Variants in ZNF385D observed in about 807,000 individuals in gnomAD.
ZNF385D encodes zinc finger protein 385D, also known as zinc finger protein 659.
Under a neutral mutation model 35.8 loss-of-function variants are expected in ZNF385D, and 15 were observed. The ratio of observed to expected loss-of-function variants is 0.42; its 90% CI spans 0.28 to 0.64. ZNF385D has a LOEUF of 0.64. Ranked by LOEUF, ZNF385D falls within the 30% of genes least tolerant of loss-of-function variation. The probability of loss-of-function intolerance (pLI) is 0.23; values close to 1 mark genes in which losing one functional copy is unlikely to be tolerated. For missense variants in ZNF385D, 474 were observed against 494.6 expected (o/e 0.96, Z 0.39); for synonymous variants, 212 against 186.8 (o/e 1.13, Z -1.10).
chr3:21,961,005 G>A (rs1480561500), intron 3 of ZNF385D, among the ~76,000 whole-genome samples: 1 of 152,012 alleles, frequency 6.6e-6, no homozygotes, highest in Non-Finnish European at 1.5e-5. Flanking sequence ...GACCTGTGGT[G>A]CTATAGGTTG....
intron 3 of ZNF385D, among the ~76,000 whole-genome samples, chr3:22,099,508 A>G (rs979871563): frequency 6.6e-6 from 1 of 152,134 alleles, no homozygotes; most frequent in Non-Finnish European, 1.5e-5. Context: ...AAGGATAACT[A>G]GATTTATCCA....
Position 22,367,186 on chromosome 3 carries a change from C to T in ZNF385D, c.106+5264G>A, listed in dbSNP as rs183338488. ...GTACTAGACTATTCGAAACACTTTA[C>T]GTGTATCACCTTATTAAGTCTTCAA... is the stretch of plus-strand genomic sequence containing the variant. On this transcript the variant is annotated intron_variant, in intron 2 of 5. Transcript: ENST00000494108. Among the ~76,000 whole-genome samples, 46 of 152,230 alleles carry T rather than the reference C, an allele frequency of 3.0e-4. No homozygotes were observed. The East Asian group carries it at 7.9e-3, about 26-fold the overall frequency.
chr3:21,515,945 A>T (rs1247891866), intron 3 of ZNF385D, among the ~76,000 whole-genome samples: 2 of 152,192 alleles, frequency 1.3e-5, no homozygotes, highest in Non-Finnish European at 2.9e-5. Context: ...ACTATTGTAG[A>T]ACCTAAAGTT....
intron 3 of ZNF385D, among the ~76,000 whole-genome samples, chr3:22,014,605 T>G (rs1191291641): frequency 6.6e-6 from 1 of 151,972 alleles, no homozygotes; most frequent in Non-Finnish European, 1.5e-5. Flanking sequence ...GTCTCAGAAA[T>G]ATATACTCAG....
At chr3:21,905,310 A>C (rs938015180) in intron 3 of ZNF385D, among the ~76,000 whole-genome samples, 1 of 151,764 alleles carries the variant, frequency 6.6e-6, no homozygotes, top group African/African-American at 2.4e-5. Context: ...CTTTGTATGC[A>C]TAACTCAAGC....
intron 3 of ZNF385D, among the ~76,000 whole-genome samples, chr3:21,941,983 G>A (rs560225930): frequency 6.6e-6 from 1 of 152,152 alleles, no homozygotes; most frequent in East Asian, 1.9e-4. Context: ...TATTCTTCTT[G>A]AATTTGGGAA....
In ZNF385D at chr3:22,303,151, G is replaced by A. The variant is rs188973057; in HGVS notation, c.106+69299C>T. ...TCCATTGTTCAATGATAATAATATC[G>A]TTGGCTGCACATGTTGCCTAGAATG... On this transcript the variant is annotated intron_variant, in intron 2 of 5. Coordinates refer to the ZNF385D transcript ENST00000494108. Among the ~76,000 whole-genome samples the A allele has an allele frequency of 2.0e-3, 297 of 152,054 alleles. 1 individual carries two copies. Among genetic ancestry groups the A allele is most frequent in the Middle Eastern group, 0.017 (5 of 292 alleles).
chr3:21,924,447 G>C (rs759856289), intron 3 of ZNF385D, among the ~76,000 whole-genome samples: 7 of 152,140 alleles, frequency 4.6e-5, no homozygotes, highest in Non-Finnish European at 7.3e-5. Flanking sequence ...ACAGAAGAGG[G>C]GCAACCTAGT....
intron 3 of ZNF385D, among the ~76,000 whole-genome samples, chr3:22,012,998 A>G (rs1054551648): frequency 2.0e-4 from 30 of 152,152 alleles, no homozygotes; most frequent in Non-Finnish European, 4.3e-4. Flanking sequence ...TTAAAAATAA[A>G]TATTAGCTTT....
chr3:22,263,578 C>A (rs1700743959), intron 2 of ZNF385D, among the ~76,000 whole-genome samples: 1 of 151,902 alleles, frequency 6.6e-6, no homozygotes, highest in African/African-American at 2.4e-5. Context: ...CCTACAAGGG[C>A]AAAAGTTTTG....
intron 3 of ZNF385D, among the ~76,000 whole-genome samples, chr3:22,002,474 C>A (rs953401393): frequency 6.6e-6 from 1 of 152,048 alleles, no homozygotes; most frequent in Non-Finnish European, 1.5e-5. Context: ...GACTTAACAG[C>A]TTTACCACTG....
intron 2 of ZNF385D, among the ~76,000 whole-genome samples, chr3:22,369,498 C>G (rs1696803736): frequency 6.6e-6 from 1 of 151,900 alleles, no homozygotes; most frequent in Admixed American, 6.6e-5. Flanking sequence ...ACTCTCTAGG[C>G]AAGTTATTAT....
chr3:21,757,315 G>C (rs982910299), intron 3 of ZNF385D, among the ~76,000 whole-genome samples: 24 of 151,720 alleles, frequency 1.6e-4, no homozygotes, highest in African/African-American at 5.1e-4. Context: ...GCTAATTTTT[G>C]TATTTTTGGT....
chr3:21,501,023 C>T (rs931793530), intron 4 of ZNF385D, among the ~76,000 whole-genome samples: 2 of 152,090 alleles, frequency 1.3e-5, no homozygotes, highest in South Asian at 2.1e-4. Flanking sequence ...CACTGCACCC[C>T]GCATTTGCAT....
At chr3:22,367,849 TC>T (rs1449115063) in intron 2 of ZNF385D, among the ~76,000 whole-genome samples, 1 of 152,194 alleles carries the variant, frequency 6.6e-6, no homozygotes, top group Non-Finnish European at 1.5e-5. Flanking sequence ...ACATCTGGCC[TC>T]ATGTTATGAG....
chr3:22,317,798 C>G (rs537136842), intron 2 of ZNF385D, among the ~76,000 whole-genome samples: 1 of 152,288 alleles, frequency 6.6e-6, no homozygotes, highest in South Asian at 2.1e-4. Context: ...TGGTGACTCA[C>G]TCATGTAATC....
rs558631182 is a variant in ZNF385D, at chr3:22,100,457, G to C, written c.325+68360C>G. ...CCAAATGTCCAACAATGATAGACTG[G>C]ATTAAGAAAATGTGGCACATATACA... On this transcript the variant is annotated intron_variant, in intron 3 of 5. Coordinates refer to the ZNF385D transcript ENST00000494108. Among the ~76,000 whole-genome samples the C allele has an allele frequency of 1.8e-3, 275 of 151,616 alleles. 1 individual carries two copies. Among genetic ancestry groups the C allele is most frequent in the African/African-American group, 6.2e-3 (254 of 41,212 alleles).
chr3:22,354,261 T>C (rs138407664), intron 2 of ZNF385D, among the ~76,000 whole-genome samples: 1 of 149,940 alleles, frequency 6.7e-6, no homozygotes, highest in East Asian at 2.0e-4. Context: ...GTTTCTTCAG[T>C]TTTTTTCATT....
chr3:21,463,710 C>A (rs1395925053), intron 4 of ZNF385D, among the ~76,000 whole-genome samples: 1 of 152,188 alleles, frequency 6.6e-6, no homozygotes, highest in Non-Finnish European at 1.5e-5. Flanking sequence ...CATTCCAGCC[C>A]AAATATCTGG....
Sources: gnomAD v4.1 joint callset for allele counts (sites outside exome capture counted in the v4.1 genomes callset) on GRCh38, gnomAD v4.1.1 for gene constraint, MANE v1.5 for transcripts, NCBI Gene and HGNC (gene_info 2026-07-23, HGNC 2026-07-21) for gene names.